NTM: variants seen among roughly 807,000 people sequenced by gnomAD.
The protein encoded by NTM is neurotrimin.
Under a neutral mutation model 42.1 loss-of-function variants are expected in NTM, and 13 were observed. The observed-to-expected ratio is 0.31, with a 90% CI of 0.20 to 0.49. The LOEUF (loss-of-function observed/expected upper bound fraction) is 0.49. Among genes scored for constraint, NTM ranks in the 20% least tolerant of loss-of-function variants. NTM has a pLI of 0.99. For synonymous variants in NTM, 187 were observed against 179.2 expected (o/e 1.04, Z -0.35); for missense variants, 373 against 452.8 (o/e 0.82, Z 1.60).
rs1457752005 is a variant in NTM at position 132,335,039 on chromosome 11, T to G, written c.968-7T>G. On this transcript the variant is annotated splice_polypyrimidine_tract_variant and splice_region_variant and intron_variant, in intron 8 of 8. Transcript: ENST00000683400. ...GACCACTCACGGCGAGTGTGTTCTCTCCACAGGTCCAGGCGCCGTCAGCGA... is the reference window on the plus strand; with the variant it reads ...GACCACTCACGGCGAGTGTGTTCTCGCCACAGGTCCAGGCGCCGTCAGCGA... 3.7e-6 allele frequency: 6 copies of G among 1,611,328 alleles called. No homozygotes were observed. The highest frequency in any genetic ancestry group is 5.1e-6 in the Non-Finnish European group (6 of 1,179,760).
chr11:132,312,220 C>T (rs1342478306), intron 6 of NTM, among the ~76,000 whole-genome samples: 1 of 152,302 alleles, frequency 6.6e-6, no homozygotes, highest in African/African-American at 2.4e-5. Flanking sequence ...GGGGGGAAGG[C>T]CAGCTCTAGC....
intron 7 of NTM, among the ~76,000 whole-genome samples, chr11:132,329,706 C>T (rs937505470): frequency 2.0e-5 from 3 of 152,224 alleles, no homozygotes; most frequent in Admixed American, 2.0e-4. Context: ...TAGTATAAAT[C>T]CATATGTAGC....
intron 2 of NTM, among the ~76,000 whole-genome samples, chr11:132,108,918 T>TTGTCCATG (rs2062789173): frequency 6.6e-6 from 1 of 152,138 alleles, no homozygotes; most frequent in Non-Finnish European, 1.5e-5. Flanking sequence ...TGTGTTCTCA[T>TTGTCCATG]TGTTCAACTC....
At chr11:131,747,228 G>A (rs932131002) in intron 1 of NTM, among the ~76,000 whole-genome samples, 1 of 152,096 alleles carries the variant, frequency 6.6e-6, no homozygotes, top group African/African-American at 2.4e-5. Flanking sequence ...CAGTCAAACT[G>A]TCCTATGAAC....
chr11:132,110,945 G>T (rs1304689541), intron 2 of NTM, among the ~76,000 whole-genome samples: 1 of 150,852 alleles, frequency 6.6e-6, no homozygotes, highest in African/African-American at 2.4e-5. Context: ...GTGTGCACCT[G>T]CAGTCCCAGC....
intron 1 of NTM, among the ~76,000 whole-genome samples, chr11:131,416,191 A>G (rs1038876348): frequency 6.8e-6 from 1 of 147,836 alleles, no homozygotes; most frequent in African/African-American, 2.4e-5. Context: ...TCTTCTTTTC[A>G]TGTTTTTTTT....
chr11:132,195,648 A>C (rs2080087886), intron 3 of NTM, among the ~76,000 whole-genome samples: 1 of 152,146 alleles, frequency 6.6e-6, no homozygotes, highest in Non-Finnish European at 1.5e-5. Context: ...TCAGAAATAA[A>C]GTTTCATACC....
chr11:131,472,839 G>A (rs74323014), intron 1 of NTM, among the ~76,000 whole-genome samples: 5 of 152,082 alleles, frequency 3.3e-5, no homozygotes, highest in African/African-American at 9.7e-5. Flanking sequence ...CCTCATGCCT[G>A]TCTGACTCCG....
At chr11:131,656,745 T>A (rs2067235559) in intron 1 of NTM, among the ~76,000 whole-genome samples, 1 of 152,146 alleles carries the variant, frequency 6.6e-6, no homozygotes, top group Non-Finnish European at 1.5e-5. Context: ...ACCCTGTTTT[T>A]CTTTTCTTGG....
At chr11:132,106,498 G>A (rs373731039) in intron 2 of NTM, among the ~76,000 whole-genome samples, 9 of 152,332 alleles carry the variant, frequency 5.9e-5, no homozygotes, top group African/African-American at 2.2e-4. Context: ...ATGTGGAGAA[G>A]CCACGTGACC....
intron 1 of NTM, among the ~76,000 whole-genome samples, chr11:131,869,349 A>T (rs2047547086): frequency 1.3e-5 from 2 of 152,166 alleles, no homozygotes; most frequent in African/African-American, 4.8e-5. Flanking sequence ...CCTGCCAGTC[A>T]TTGTGTGATT....
At chr11:131,691,604 CCTT>C (rs902030151) in intron 1 of NTM, among the ~76,000 whole-genome samples, 2 of 151,994 alleles carry the variant, frequency 1.3e-5, no homozygotes, top group African/African-American at 4.8e-5. Flanking sequence ...TTTCTCTCCT[CCTT>C]CTCTTCCATG....
intron 2 of NTM, among the ~76,000 whole-genome samples, chr11:131,947,077 G>A (rs919735526): frequency 6.6e-6 from 1 of 152,164 alleles, no homozygotes; most frequent in Admixed American, 6.5e-5. Flanking sequence ...CAGAAAAGCT[G>A]GTGAGTAGTG....
intron 1 of NTM, chr11:131,536,845 C>G (rs1185009289): frequency 3.9e-5 from 6 of 152,172 alleles, no homozygotes; most frequent in African/African-American, 1.4e-4. Context: ...GAAGAATGTA[C>G]AAGATTTGCG....
At chr11:131,712,185 CA>C (rs1054778451) in intron 1 of NTM, among the ~76,000 whole-genome samples, 106 of 131,362 alleles carry the variant, frequency 8.1e-4, no homozygotes, top group East Asian at 5.2e-3. Context: ...AAAAAAAAAA[CA>C]AAAAAAAACC....
intron 1 of NTM, among the ~76,000 whole-genome samples, chr11:131,855,807 G>C (rs2046036276): frequency 2.0e-5 from 3 of 152,134 alleles, no homozygotes; most frequent in Admixed American, 2.0e-4. Flanking sequence ...CTACACATCA[G>C]AGACCCCCAC....
chr11:131,403,050 A>G (rs1227884965), intron 1 of NTM, among the ~76,000 whole-genome samples: 3 of 152,240 alleles, frequency 2.0e-5, no homozygotes, highest in African/African-American at 7.2e-5. Context: ...TAGACTGCAT[A>G]AAAGGAACAG....
Position 132,192,402 on chromosome 11 carries a change from A to T in NTM, c.401-19620A>T, listed in dbSNP as rs375521696. Among the ~76,000 whole-genome samples, 60 of 152,304 alleles carry T rather than the reference A, an allele frequency of 3.9e-4. 3 individuals are homozygous for T. Among genetic ancestry groups the T allele is most frequent in the African/African-American group, 1.4e-3 (57 of 41,574 alleles). The stretch of plus-strand genomic sequence containing the variant: ...AAAAATTCCAACCCAGAATTTTGTA[A>T]CTTGTGAAACTAAGCTTCATAAGCA... On this transcript the variant is annotated intron_variant, in intron 3 of 8. Transcript: ENST00000683400.
intron 7 of NTM, 115 bp from the exon 8 acceptor site, chr11:132,330,038 G>A (rs540644785): frequency 3.2e-5 from 48 of 1,490,330 alleles, no homozygotes; most frequent in East Asian, 1.5e-4. Context: ...GGCAAGAGGC[G>A]CAGGGACGCT....
Sources: allele counts gnomAD v4.1 joint callset (sites outside exome capture counted in the v4.1 genomes callset), GRCh38; gene constraint gnomAD v4.1.1; transcripts MANE v1.5; gene names NCBI Gene and HGNC (gene_info 2026-07-23, HGNC 2026-07-21).